Variants in PRH1 observed in about 807,000 individuals in gnomAD.
The protein encoded by PRH1 is proline rich protein HaeIII subfamily 1.
A neutral mutation model predicts 7.9 loss-of-function variants in PRH1; 7 were observed. The observed-to-expected ratio is 0.89, with a 90% CI of 0.50 to 1.67. PRH1 has a LOEUF of 1.67. Among genes scored for constraint, PRH1 ranks in the 40% most tolerant of loss-of-function variants. The probability of loss-of-function intolerance (pLI) is 0.00; values close to 1 mark genes in which losing one functional copy is unlikely to be tolerated. For missense variants in PRH1, 109 were observed against 223.6 expected (o/e 0.49, Z 3.27); for synonymous variants, 45 against 80.8 (o/e 0.56, Z 2.38).
At chr12:10,974,673 C>A (rs560760054) in intron 1 of PRH1, among the ~76,000 whole-genome samples, 149 of 152,202 alleles carry the variant, frequency 9.8e-4, no homozygotes, top group African/African-American at 3.4e-3. Flanking sequence ...ATTCAAGGAA[C>A]ATCAGCCCAC....
chr12:10,984,328 T>G (rs1030965658), intron 1 of PRH1, among the ~76,000 whole-genome samples: 7 of 152,202 alleles, frequency 4.6e-5, no homozygotes, highest in Non-Finnish European at 1.0e-4. Context: ...TCCCCTACAA[T>G]TGTATAATGG....
chr12:10,938,336 G>C, intron 2 of PRH1: 2 of 1,614,028 alleles, frequency 1.2e-6, no homozygotes, highest in Non-Finnish European at 1.7e-6. Flanking sequence ...CACTGACAGA[G>C]AGGCCTGTCT....
At chr12:11,165,284 C>T (rs904299688) in intron 1 of PRH1, among the ~76,000 whole-genome samples, 24 of 151,546 alleles carry the variant, frequency 1.6e-4, no homozygotes, top group African/African-American at 5.8e-4. Flanking sequence ...GCCAGTCTTC[C>T]CAATTTTTTC....
At chr12:11,106,674 C>G (rs954174655) in intron 1 of PRH1, among the ~76,000 whole-genome samples, 4 of 151,994 alleles carry the variant, frequency 2.6e-5, no homozygotes, top group African/African-American at 9.7e-5. Flanking sequence ...AATCAGTCTC[C>G]AATCTTGGAT....
intron 1 of PRH1, among the ~76,000 whole-genome samples, chr12:11,100,519 G>C (rs1945202781): frequency 6.6e-6 from 1 of 152,144 alleles, no homozygotes; most frequent in East Asian, 1.9e-4. Context: ...ATAAGACAAA[G>C]TATCTCCACC....
intron 1 of PRH1, among the ~76,000 whole-genome samples, chr12:11,063,291 T>TAA (rs1374543435): frequency 1.3e-5 from 2 of 152,132 alleles, no homozygotes; most frequent in African/African-American, 4.8e-5. Context: ...TACAACCATT[T>TAA]AACTTGCTTT....
intron 1 of PRH1, among the ~76,000 whole-genome samples, chr12:10,974,233 A>T (rs1289376201): frequency 6.6e-6 from 1 of 152,230 alleles, no homozygotes; most frequent in African/African-American, 2.4e-5. Context: ...GCCAATGTCC[A>T]TATAGAGGCT....
intron 1 of PRH1, among the ~76,000 whole-genome samples, chr12:11,006,988 A>G (rs1450603790): frequency 6.6e-6 from 1 of 152,072 alleles, no homozygotes; most frequent in African/African-American, 2.4e-5. Flanking sequence ...TTGTTTTGCA[A>G]TGTTTTTCCT....
intron 2 of PRH1, among the ~76,000 whole-genome samples, chr12:10,958,695 A>G (rs1938095219): frequency 6.6e-6 from 1 of 152,198 alleles, no homozygotes. Flanking sequence ...GAGCAATCCA[A>G]GAAGAAGGGA....
chr12:11,150,471 C>G (rs1165084301), intron 1 of PRH1, among the ~76,000 whole-genome samples: 4 of 152,052 alleles, frequency 2.6e-5, no homozygotes, highest in Non-Finnish European at 5.9e-5. Flanking sequence ...ACATATACAC[C>G]ATGGAATACT....
intron 1 of PRH1, among the ~76,000 whole-genome samples, chr12:11,153,910 CAG>C (rs1289546648): frequency 6.6e-6 from 1 of 152,046 alleles, no homozygotes; most frequent in African/African-American, 2.4e-5. Context: ...AGCTCACTAA[CAG>C]ATATTACCCC....
chr12:11,116,904 G>A (rs1035173045), downstream of PRH1, among the ~76,000 whole-genome samples: 3 of 151,846 alleles, frequency 2.0e-5, no homozygotes, highest in African/African-American at 7.3e-5. Flanking sequence ...CAGAAAACTG[G>A]ATATAGAAGG....
chr12:10,905,197 C>G (rs1296208146), intron 2 of PRH1, among the ~76,000 whole-genome samples: 1 of 151,828 alleles, frequency 6.6e-6, no homozygotes, highest in African/African-American at 2.4e-5. Context: ...GCACGCCACA[C>G]TTTTTTGGTC....
At chr12:10,937,503 A>C (rs756918289) in intron 2 of PRH1, 1 of 152,154 alleles carries the variant, frequency 6.6e-6, no homozygotes, top group Non-Finnish European at 1.5e-5. Flanking sequence ...AATTTATCTC[A>C]AAGCTAGAGT....
chr12:11,018,705 G>A (rs1233211300), intron 1 of PRH1, among the ~76,000 whole-genome samples: 1 of 152,250 alleles, frequency 6.6e-6, no homozygotes, highest in Non-Finnish European at 1.5e-5. Flanking sequence ...AGTAGGGAAG[G>A]AAATGAGCAG....
At position 11,082,771 on chromosome 12, in the gene PRH1, T is replaced by C. The variant is rs1944537379; in HGVS notation, n.124-35583A>G. Among the ~76,000 whole-genome samples the C allele has an allele frequency of 1.7e-5, 2 of 116,670 alleles. 1 individual carries two copies. Among genetic ancestry groups the C allele is most frequent in the Admixed American group, 1.7e-4 (2 of 11,608 alleles). The allele number at this position is 116,670 out of a possible 152,430, so 76.5% of individuals were successfully genotyped here. A position where few individuals can be genotyped will look rare whatever the true frequency, so the allele number is the denominator to read the frequency against. On this transcript the variant is annotated intron_variant and non_coding_transcript_variant, in intron 1 of 4. Coordinates refer to the PRH1 transcript ENST00000541977. ...AAGTGACCTCCAGCAAAGAATACTC[T>C]TGTTCTGGCTGTTTAATTTTGTTCC...
intron 1 of PRH1, among the ~76,000 whole-genome samples, chr12:11,039,708 G>C (rs1345810686): frequency 2.6e-4 from 39 of 152,202 alleles, no homozygotes; most frequent in Admixed American, 5.2e-4. Flanking sequence ...CCTACCAAAA[G>C]CATTTAAGGT....
At chr12:11,048,145 T>C (rs1002114626), upstream of PRH1, among the ~76,000 whole-genome samples, 16 of 124,728 alleles carry the variant, frequency 1.3e-4, no homozygotes, top group Admixed American at 2.4e-4. Flanking sequence ...CACACACATA[T>C]ATGTGTGTGT....
intron 1 of PRH1, among the ~76,000 whole-genome samples, chr12:11,114,520 G>T (rs1010438508): frequency 1.3e-5 from 2 of 152,130 alleles, no homozygotes; most frequent in African/African-American, 4.8e-5. Flanking sequence ...GGTGAGGGGG[G>T]CTAGGGATAG....
Sources: gnomAD v4.1 joint callset for allele counts (sites outside exome capture counted in the v4.1 genomes callset) on GRCh38, gnomAD v4.1.1 for gene constraint, MANE v1.5 for transcripts, NCBI Gene and HGNC (gene_info 2026-07-23, HGNC 2026-07-21) for gene names.